The following RBPJ variants were observed in gnomAD, a reference collection of about 807,000 sequenced individuals.
The protein encoded by RBPJ is recombining binding protein suppressor of hairless.
Under a neutral mutation model 67.8 loss-of-function variants are expected in RBPJ, and 9 were observed. The observed-to-expected ratio is 0.13, with a 90% CI of 0.08 to 0.23. The LOEUF (loss-of-function observed/expected upper bound fraction) is 0.23. Ranked by LOEUF, RBPJ falls within the 10% of genes least tolerant of loss-of-function variation. The pLI is 1.00. For synonymous variants in RBPJ, 198 were observed against 203.3 expected (o/e 0.97, Z 0.22); for missense variants, 305 against 595.6 (o/e 0.51, Z 5.08).
chr4:26,214,308 ACAGAG>A (rs1718540560), intron 1 of RBPJ, among the ~76,000 whole-genome samples: 2 of 146,938 alleles, frequency 1.4e-5, no homozygotes, highest in African/African-American at 2.5e-5. Flanking sequence ...AAGCAAGGAG[ACAGAG>A]AAGGAGGGAG....
chr4:26,193,483 T>A (rs528530017), intron 1 of RBPJ, among the ~76,000 whole-genome samples: 2 of 152,094 alleles, frequency 1.3e-5, no homozygotes, highest in East Asian at 1.9e-4. Context: ...TTTGTTTCGG[T>A]GTCAATTTTT....
intron 1 of RBPJ, among the ~76,000 whole-genome samples, chr4:26,285,927 T>C (rs1721448640): frequency 7.4e-6 from 1 of 136,024 alleles, no homozygotes; most frequent in Admixed American, 7.7e-5. Flanking sequence ...CTGGGCAACA[T>C]AGGGAGACCC....
the RBPJ span, among the ~76,000 whole-genome samples, chr4:26,151,378 G>A: frequency 6.6e-6 from 1 of 152,160 alleles, no homozygotes; most frequent in Admixed American, 6.5e-5. Flanking sequence ...CAAGAAATGG[G>A]AATATGTTCT....
At chr4:26,131,800 G>A in the RBPJ span, among the ~76,000 whole-genome samples, 1 of 152,164 alleles carries the variant, frequency 6.6e-6, no homozygotes, top group Non-Finnish European at 1.5e-5. Flanking sequence ...GGGAGAGAAT[G>A]AATTCTGTTT....
At chr4:26,182,493 C>CTTT (rs756542568) in intron 1 of RBPJ, among the ~76,000 whole-genome samples, 3 of 142,352 alleles carry the variant, frequency 2.1e-5, no homozygotes, top group African/African-American at 7.9e-5. Flanking sequence ...ACTTTTTAAA[C>CTTT]TTTTTTTTTT....
chr4:26,184,881 C>T (rs941847909), intron 1 of RBPJ, among the ~76,000 whole-genome samples: 2 of 152,070 alleles, frequency 1.3e-5, no homozygotes, highest in Non-Finnish European at 2.9e-5. Context: ...GTGGCTCATG[C>T]CTGTAATCCC....
At chr4:26,406,068 T>C in intron 2 of RBPJ, 107 bp from the exon 3 acceptor site, 1 of 666,096 alleles carries the variant, frequency 1.5e-6, no homozygotes, top group South Asian at 2.4e-5. Flanking sequence ...GATTTGCTTA[T>C]TTAAAAAATA....
At chr4:26,120,416 GA>G in the RBPJ span, among the ~76,000 whole-genome samples, 5 of 152,106 alleles carry the variant, frequency 3.3e-5, no homozygotes, top group Non-Finnish European at 7.4e-5. Flanking sequence ...GCCTTCTATA[GA>G]ACACCCATAC....
intron 1 of RBPJ, among the ~76,000 whole-genome samples, chr4:26,232,011 C>G (rs747494757): frequency 1.3e-5 from 2 of 151,882 alleles, no homozygotes; most frequent in Non-Finnish European, 1.5e-5. Flanking sequence ...TCTGCCTCAG[C>G]CTCCCAAGTA....
intron 1 of RBPJ, among the ~76,000 whole-genome samples, chr4:26,218,515 A>G (rs985133922): frequency 6.6e-6 from 1 of 152,172 alleles, no homozygotes; most frequent in Non-Finnish European, 1.5e-5. Flanking sequence ...TGGGTCAGAC[A>G]GGGTCACAGC....
Position 26,424,191 on chromosome 4 carries a change from C to A in RBPJ, c.497-151C>A. On this transcript the variant is annotated intron_variant, in intron 5 of 10. Transcript: ENST00000355476. The surrounding 1 kb of genome is among the most constrained non-coding windows in gnomAD (Gnocchi z 5.3). ...AACAGTTACCTTGACTTTTTGATAT[C>A]ATCTGTACTGTCTTGGAAAGTGAAA... 1.5e-6 allele frequency: 1 copy of A among 647,462 alleles called. No homozygotes were observed. The highest frequency in any genetic ancestry group is 2.6e-6 in the Non-Finnish European group (1 of 386,172). 40.1% of individuals were successfully genotyped at this position (647,462 alleles called of 1,614,324 possible). A position where few individuals can be genotyped will look rare whatever the true frequency, so the allele number is the denominator to read the frequency against.
chr4:26,213,798 T>C (rs1183189777), intron 1 of RBPJ, among the ~76,000 whole-genome samples: 1 of 151,990 alleles, frequency 6.6e-6, no homozygotes. Context: ...GGAGAGGCCA[T>C]TGTAGAAGTC....
At chr4:26,164,756 T>G (rs1716202313) in intron 1 of RBPJ, among the ~76,000 whole-genome samples, 1 of 152,208 alleles carries the variant, frequency 6.6e-6, no homozygotes, top group Admixed American at 6.5e-5. Flanking sequence ...CAAAAAGAGT[T>G]AAAAATGTGT....
At chr4:26,242,775 A>ATTATTAAT (rs1719692508) in intron 1 of RBPJ, among the ~76,000 whole-genome samples, 1 of 151,748 alleles carries the variant, frequency 6.6e-6, no homozygotes, top group African/African-American at 2.4e-5. Flanking sequence ...AGTGGTAAAA[A>ATTATTAAT]TTATTAATTT....
intron 1 of RBPJ, among the ~76,000 whole-genome samples, chr4:26,354,451 GTTTTTTT>G (rs35328021): frequency 2.6e-5 from 3 of 117,496 alleles, no homozygotes; most frequent in Non-Finnish European, 5.3e-5. Context: ...AAAGATTTCT[GTTTTTTT>G]TTTTTTTTTT....
At chr4:26,360,595 CT>C (rs11393982) in intron 1 of RBPJ, among the ~76,000 whole-genome samples, 37 of 133,710 alleles carry the variant, frequency 2.8e-4, no homozygotes, top group East Asian at 8.8e-4. Context: ...TTCATAGGTG[CT>C]TTTTTTTTTT....
intron 1 of RBPJ, among the ~76,000 whole-genome samples, chr4:26,329,430 T>C (rs2109350451): frequency 6.6e-6 from 1 of 152,312 alleles, no homozygotes; most frequent in South Asian, 2.1e-4. Context: ...CAAGAAGCTC[T>C]TTTTGAGGCA....
chr4:26,140,063 C>T, the RBPJ span, among the ~76,000 whole-genome samples: 2 of 152,194 alleles, frequency 1.3e-5, no homozygotes, highest in African/African-American at 4.8e-5. Context: ...TCCAACCTCT[C>T]TGGGCCTCCA....
chr4:26,323,889 A>T (rs1236747605), intron 1 of RBPJ, among the ~76,000 whole-genome samples: 1 of 152,180 alleles, frequency 6.6e-6, no homozygotes, highest in Non-Finnish European at 1.5e-5. Flanking sequence ...TAGAAATAAG[A>T]CCCAGGACTT....
Sources: allele counts gnomAD v4.1 joint callset (sites outside exome capture counted in the v4.1 genomes callset), GRCh38; gene constraint gnomAD v4.1.1; non-coding constraint Gnocchi (gnomAD v3.1); transcripts MANE v1.5; gene names NCBI Gene and HGNC (gene_info 2026-07-23, HGNC 2026-07-21).